DPP6: variants seen among roughly 807,000 people sequenced by gnomAD.
DPP6 encodes dipeptidyl peptidase like 6, also known as A-type potassium channel modulatory protein DPP6.
A neutral mutation model predicts 122.6 loss-of-function variants in DPP6; 69 were observed. The ratio of observed to expected loss-of-function variants is 0.56; its 90% CI spans 0.46 to 0.69. The LOEUF (loss-of-function observed/expected upper bound fraction) is 0.69. Ranked by LOEUF, DPP6 falls within the 30% of genes least tolerant of loss-of-function variation. DPP6 has a pLI of 0.00. For synonymous variants in DPP6, 418 were observed against 433.1 expected (o/e 0.97, Z 0.43); for missense variants, 928 against 1,116.9 (o/e 0.83, Z 2.41).
At chr7:154,849,970 G>A (rs1802242675) in intron 16 of DPP6, among the ~76,000 whole-genome samples, 1 of 152,188 alleles carries the variant, frequency 6.6e-6, no homozygotes, top group Non-Finnish European at 1.5e-5. Flanking sequence ...TTACTGATTT[G>A]TGTATATTGA....
chr7:154,776,907 G>T (rs940159851), intron 10 of DPP6, among the ~76,000 whole-genome samples: 21 of 152,206 alleles, frequency 1.4e-4, no homozygotes, highest in Admixed American at 1.3e-3. Flanking sequence ...GTTTCTGGAA[G>T]CCTGCAGTTT....
At chr7:153,768,046 A>T in the DPP6 span, among the ~76,000 whole-genome samples, 1 of 151,920 alleles carries the variant, frequency 6.6e-6, no homozygotes, top group African/African-American at 2.4e-5. Flanking sequence ...GTTGCAGACA[A>T]AAAAGTGTTT....
At chr7:154,031,170 A>T (rs1425832471) in intron 1 of DPP6, among the ~76,000 whole-genome samples, 1 of 152,038 alleles carries the variant, frequency 6.6e-6, no homozygotes, top group African/African-American at 2.4e-5. Flanking sequence ...CACAATGATG[A>T]TGTGTGTTTA....
intron 2 of DPP6, among the ~76,000 whole-genome samples, chr7:154,470,304 C>G (rs570175422): frequency 6.6e-6 from 1 of 152,284 alleles, no homozygotes; most frequent in South Asian, 2.1e-4. Flanking sequence ...TGGTGGGGAT[C>G]AGGAGAGATA....
At chr7:153,974,839 A>G (rs1298866793) in intron 1 of DPP6, among the ~76,000 whole-genome samples, 1 of 152,194 alleles carries the variant, frequency 6.6e-6, no homozygotes, top group Non-Finnish European at 1.5e-5. Flanking sequence ...GTTCAGCCAG[A>G]GAGAGCAGCC....
rs758419586 is a variant in DPP6, at chr7:154,481,531, G to A, written c.457+6494G>A. 1.2e-4 allele frequency among the ~76,000 whole-genome samples: 14 copies of A among 120,514 alleles called. No homozygotes were observed. Among genetic ancestry groups the A allele is most frequent in the Non-Finnish European group, 1.7e-4 (10 of 57,198 alleles). The allele number at this position is 120,514 out of a possible 152,430, so 79.1% of individuals were successfully genotyped here. A position where few individuals can be genotyped will look rare whatever the true frequency, so the allele number is the denominator to read the frequency against. On this transcript the variant is annotated intron_variant, in intron 3 of 25. Coordinates refer to ENST00000377770, the MANE Select transcript of DPP6 (RefSeq NM_130797.4). This position sits in a 1 kb window ranked among gnomAD's most constrained non-coding sequence, Gnocchi z 4.2. ...TGTGCGAGCACAGCCCTGGCCCCCC[G>A]ACCCTCCATGTCTCAGACTCTACAT...
intron 15 of DPP6, among the ~76,000 whole-genome samples, chr7:154,805,824 T>C (rs988891617): frequency 2.0e-5 from 3 of 151,952 alleles, no homozygotes; most frequent in Non-Finnish European, 4.4e-5. Flanking sequence ...GAGGAGGGGG[T>C]GTCTGCTGCC....
intron 1 of DPP6, among the ~76,000 whole-genome samples, chr7:154,155,912 C>T (rs1796654339): frequency 6.6e-6 from 1 of 152,174 alleles, no homozygotes; most frequent in African/African-American, 2.4e-5. Context: ...TGTGTACTCC[C>T]AATGGTTGTC....
At chr7:154,084,989 C>CAAAAAAAAAA (rs370222780) in intron 1 of DPP6, among the ~76,000 whole-genome samples, 5 of 78,424 alleles carry the variant, frequency 6.4e-5, no homozygotes, top group Non-Finnish European at 6.8e-5. Flanking sequence ...GACTCCGTCT[C>CAAAAAAAAAA]AAAAAAAAAA....
At chr7:154,719,222 T>C (rs1458738269) in intron 7 of DPP6, among the ~76,000 whole-genome samples, 1 of 152,120 alleles carries the variant, frequency 6.6e-6, no homozygotes, top group Non-Finnish European at 1.5e-5. Context: ...TTGGATGTTA[T>C]CTATGCCGGG....
At chr7:154,439,683 C>CTGT (rs1554549963) in intron 1 of DPP6, among the ~76,000 whole-genome samples, 3,162 of 152,044 alleles carry the variant, frequency 0.021, 127 homozygotes, top group African/African-American at 0.073. Context: ...AATAATTTGC[C>CTGT]TGTTTGTTTT....
rs574459946 is a variant in DPP6 at position 154,464,000 on chromosome 7, G to T, written c.359-10939G>T. On this transcript the variant is annotated intron_variant, in intron 2 of 25. Transcript: ENST00000377770. ...GGTTGTGTGTCCCCCAAGTGTACTG[G>T]CTCTGAGCCAAGAACAGCACCAAGA... 5.9e-5 allele frequency among the ~76,000 whole-genome samples: 9 copies of T among 152,288 alleles called. No homozygotes were observed. The South Asian group carries it at 1.9e-3, about 32-fold the overall frequency.
chr7:154,112,597 A>G (rs921459833), intron 1 of DPP6, among the ~76,000 whole-genome samples: 4 of 151,926 alleles, frequency 2.6e-5, no homozygotes, highest in African/African-American at 9.7e-5. Flanking sequence ...GTGAACTGAG[A>G]TTATGCTGCT....
chr7:153,962,486 A>G (rs979948403), intron 1 of DPP6, among the ~76,000 whole-genome samples: 1 of 152,114 alleles, frequency 6.6e-6, no homozygotes, highest in Admixed American at 6.5e-5. Context: ...CTAAGATCAT[A>G]TGGTCACTGT....
chr7:153,818,102 T>C, the DPP6 span, among the ~76,000 whole-genome samples: 20 of 151,794 alleles, frequency 1.3e-4, no homozygotes, highest in Non-Finnish European at 2.6e-4. Context: ...AATAGGCAAA[T>C]GATGTAATCC....
intron 1 of DPP6, among the ~76,000 whole-genome samples, chr7:153,926,671 CTT>C (rs1305098360): frequency 2.0e-5 from 3 of 151,546 alleles, no homozygotes; most frequent in Admixed American, 6.6e-5. Context: ...AAGAATGTGT[CTT>C]TGTAACAAAA....
upstream of DPP6, among the ~76,000 whole-genome samples, chr7:153,884,470 C>T (rs903901159): frequency 2.0e-5 from 3 of 152,106 alleles, no homozygotes; most frequent in African/African-American, 7.2e-5. Context: ...GACAGTATGG[C>T]GATTCCTCAG....
In DPP6 at chr7:153,953,567, A is replaced by G. The variant is rs367648435; in HGVS notation, c.51+65833A>G. On this transcript the variant is annotated intron_variant, in intron 1 of 25. Transcript: ENST00000404039. Reference sequence around the variant, plus strand: ...CCTGCCTCATCTGTGCCCTCGCTGCATGGGCCTGGGCAAGTCGGTGATCTG... The same window carrying G: ...CCTGCCTCATCTGTGCCCTCGCTGCGTGGGCCTGGGCAAGTCGGTGATCTG... Among the ~76,000 whole-genome samples, 5 of 152,290 alleles carry G rather than the reference A, an allele frequency of 3.3e-5. No individual in the cohort carries two copies. In the South Asian group the frequency reaches 8.3e-4, roughly 25 times the overall value.
At chr7:153,967,869 C>G (rs1393593115) in intron 1 of DPP6, among the ~76,000 whole-genome samples, 2 of 151,770 alleles carry the variant, frequency 1.3e-5, no homozygotes, top group Admixed American at 6.6e-5. Flanking sequence ...GTTAGTGAGT[C>G]CTATCTGTAA....
Sources: gnomAD v4.1 joint callset for allele counts (sites outside exome capture counted in the v4.1 genomes callset) on GRCh38, gnomAD v4.1.1 for gene constraint, Gnocchi (gnomAD v3.1) non-coding constraint, MANE v1.5 for transcripts, NCBI Gene and HGNC (gene_info 2026-07-23, HGNC 2026-07-21) for gene names.